CNBD1: variants seen among roughly 807,000 people sequenced by gnomAD.
CNBD1 encodes cyclic nucleotide binding domain containing 1.
CNBD1 carries 71 observed loss-of-function variants against 54.4 expected under a neutral mutation model. The ratio of observed to expected loss-of-function variants is 1.30; its 90% CI spans 1.08 to 1.59. The LOEUF (loss-of-function observed/expected upper bound fraction) is 1.59. Among genes scored for constraint, CNBD1 ranks in the 40% most tolerant of loss-of-function variants. The probability of loss-of-function intolerance (pLI) is 0.00; values close to 1 mark genes in which losing one functional copy is unlikely to be tolerated. For synonymous variants in CNBD1, 182 were observed against 170.7 expected, an observed-to-expected ratio of 1.07 and a Z score of -0.51; for missense variants, 659 against 518.0, an observed-to-expected ratio of 1.27 and a Z score of -2.64.
intron 8 of CNBD1, among the ~76,000 whole-genome samples, chr8:87,336,675 C>T (rs1367099367): frequency 6.6e-6 from 1 of 152,118 alleles, no homozygotes; most frequent in East Asian, 1.9e-4. Context: ...TGTTATTACC[C>T]ACCTTCTGAA....
At chr8:87,256,534 CAGA>C (rs1326236856) in intron 6 of CNBD1, among the ~76,000 whole-genome samples, 1 of 151,860 alleles carries the variant, frequency 6.6e-6, no homozygotes, top group Non-Finnish European at 1.5e-5. Context: ...TGCCTGGCAG[CAGA>C]AGGTGTTCCA....
rs1289511519 is a variant in CNBD1 at position 86,866,511 on chromosome 8, C to T, written c.16C>T (p.Leu6Phe). Reference sequence around the variant, plus strand: ...AGCCATCAAGATGCCGATGTCTTCTCTTCCAGCAGCTATTTTGTCTCACAT... The same window carrying T: ...AGCCATCAAGATGCCGATGTCTTCTTTTCCAGCAGCTATTTTGTCTCACAT... Reference protein sequence around the residue: MPMSSLPAAILSHMTA... With the variant: MPMSSFPAAILSHMTA... Residue 6 changes from leucine to phenylalanine, a missense_variant, in exon 1 of 11, where the codon CTT (leucine) becomes TTT (phenylalanine). By Grantham distance (22) the Leu-to-Phe change is conservative (BLOSUM62 0). Transcript: ENST00000518476. 12 of 1,611,514 alleles carry T rather than the reference C, an allele frequency of 7.4e-6. No homozygotes were observed. Among genetic ancestry groups the T allele is most frequent in the African/African-American group, 1.3e-5 (1 of 74,904 alleles).
intron 6 of CNBD1, among the ~76,000 whole-genome samples, chr8:87,258,709 A>G (rs1808070642): frequency 1.3e-5 from 2 of 152,192 alleles, no homozygotes; most frequent in Admixed American, 1.3e-4. Context: ...TTGTATACAA[A>G]TCTATCCAAT....
In CNBD1 at chr8:87,236,963, C is replaced by T. The variant is rs531680350; in HGVS notation, c.622C>T (p.Arg208Ter). The change falls in exon 6 of 11, where the codon CGA (arginine) becomes TGA (stop). Residue 208 changes from arginine to a stop codon, truncating the protein, a stop_gained. Coordinates refer to ENST00000518476, the MANE Select transcript of CNBD1 (RefSeq NM_173538.3). LOFTEE classifies it high-confidence loss of function. ...TTATGTAATACTGAAAGGCCTAGCTCGACCTCAAACAAACGTGTATAAAAA... is the reference window on the plus strand; with the variant it reads ...TTATGTAATACTGAAAGGCCTAGCTTGACCTCAAACAAACGTGTATAAAAA... ...GFYVILKGLA[R>*]PQTNVYKNLI... is the part of the protein sequence containing the mutation. The T allele has an allele frequency of 9.3e-6, 15 of 1,611,074 alleles. No individual in the cohort carries two copies. The highest frequency in any genetic ancestry group is 5.5e-5 in the South Asian group (5 of 90,780).
chr8:87,266,612 G>C (rs1330487248), intron 6 of CNBD1, among the ~76,000 whole-genome samples: 1 of 151,230 alleles, frequency 6.6e-6, no homozygotes, highest in Non-Finnish European at 1.5e-5. Context: ...CCACCACCCC[G>C]GCTAATTTTG....
intron 8 of CNBD1, among the ~76,000 whole-genome samples, chr8:87,350,889 C>A (rs1362810496): frequency 6.6e-6 from 1 of 151,828 alleles, no homozygotes; most frequent in African/African-American, 2.4e-5. Context: ...TATTTTAATA[C>A]GTTGATAGTT....
chr8:87,309,285 A>C (rs892199242), intron 8 of CNBD1, among the ~76,000 whole-genome samples: 8 of 152,128 alleles, frequency 5.3e-5, no homozygotes, highest in African/African-American at 1.9e-4. Context: ...AAACTAGGAT[A>C]ATATAATCGG....
chr8:86,962,028 G>A (rs1394203168), intron 4 of CNBD1, among the ~76,000 whole-genome samples: 1 of 152,206 alleles, frequency 6.6e-6, no homozygotes, highest in African/African-American at 2.4e-5. Flanking sequence ...TAATAAGTAG[G>A]AATAGCTGGA....
chr8:87,210,639 A>G (rs1814076985), intron 5 of CNBD1, among the ~76,000 whole-genome samples: 1 of 152,182 alleles, frequency 6.6e-6, no homozygotes, highest in South Asian at 2.1e-4. Context: ...TCTGGAGGGT[A>G]CAAGCCATAA....
intron 2 of CNBD1, among the ~76,000 whole-genome samples, chr8:86,889,850 A>G (rs1324140535): frequency 6.6e-6 from 1 of 152,130 alleles, no homozygotes; most frequent in Non-Finnish European, 1.5e-5. Flanking sequence ...AGTAGAAATA[A>G]ATATCTTCTG....
chr8:86,875,741 T>TA (rs540622353), intron 1 of CNBD1, among the ~76,000 whole-genome samples: 3 of 152,094 alleles, frequency 2.0e-5, no homozygotes, highest in Non-Finnish European at 2.9e-5. Flanking sequence ...CTTACCAGCT[T>TA]AAAAAAAATA....
intron 2 of CNBD1, among the ~76,000 whole-genome samples, chr8:86,899,053 TGTTAA>T (rs1210203031): frequency 6.6e-6 from 1 of 152,136 alleles, no homozygotes; most frequent in African/African-American, 2.4e-5. Context: ...GAGGCCCTTA[TGTTAA>T]GTTAAATAAG....
intron 8 of CNBD1, among the ~76,000 whole-genome samples, chr8:87,338,675 G>A (rs777694755): frequency 6.7e-6 from 1 of 150,202 alleles, no homozygotes; most frequent in African/African-American, 2.4e-5. Flanking sequence ...TTGTTATTTG[G>A]TAGGTTGGGT....
chr8:87,130,389 T>G (rs1218372634), intron 4 of CNBD1, among the ~76,000 whole-genome samples: 1 of 152,144 alleles, frequency 6.6e-6, no homozygotes, highest in Non-Finnish European at 1.5e-5. Context: ...AGGCTTTGAG[T>G]ATAGTGTTGT....
At chr8:87,112,166 C>T (rs1811676968) in intron 4 of CNBD1, among the ~76,000 whole-genome samples, 1 of 152,184 alleles carries the variant, frequency 6.6e-6, no homozygotes, top group Admixed American at 6.5e-5. Flanking sequence ...TGCCTGCTCA[C>T]TCTTGAATCT....
At chr8:87,157,459 A>G (rs1812764461) in intron 4 of CNBD1, among the ~76,000 whole-genome samples, 1 of 152,236 alleles carries the variant, frequency 6.6e-6, no homozygotes, top group African/African-American at 2.4e-5. Context: ...TAAGAGATAT[A>G]TAGTACCTCA....
intron 4 of CNBD1, among the ~76,000 whole-genome samples, chr8:86,985,103 A>T (rs942342574): frequency 1.3e-5 from 2 of 152,172 alleles, no homozygotes; most frequent in African/African-American, 2.4e-5. Flanking sequence ...AATAAGTCTC[A>T]TAAGATCTGA....
chr8:87,094,058 T>G (rs994333347), intron 4 of CNBD1, among the ~76,000 whole-genome samples: 2 of 152,182 alleles, frequency 1.3e-5, no homozygotes. Context: ...GAGAGTGACA[T>G]CTATGGCAAT....
intron 4 of CNBD1, among the ~76,000 whole-genome samples, chr8:87,141,739 G>T (rs1400411749): frequency 1.3e-5 from 2 of 152,010 alleles, no homozygotes; most frequent in African/African-American, 4.8e-5. Context: ...AAATGGACAG[G>T]ATAAATTAGA....
Sources: gnomAD v4.1 joint callset for allele counts (sites outside exome capture counted in the v4.1 genomes callset) on GRCh38, gnomAD v4.1.1 for gene constraint, MANE v1.5 for transcripts, NCBI Gene and HGNC (gene_info 2026-07-23, HGNC 2026-07-21) for gene names.